TBL1X: variants seen among roughly 807,000 people sequenced by gnomAD.
The protein encoded by TBL1X is transducin beta like 1 X-linked, also known as F-box-like/WD repeat-containing protein TBL1X.
TBL1X carries 10 observed loss-of-function variants against 50.7 expected under a neutral mutation model. That is an observed-to-expected ratio of 0.20 (90% CI 0.12 to 0.33). The LOEUF (loss-of-function observed/expected upper bound fraction) is 0.33. Ranked by LOEUF, TBL1X falls within the 10% of genes least tolerant of loss-of-function variation. The probability of loss-of-function intolerance (pLI) is 1.00; values close to 1 mark genes in which losing one functional copy is unlikely to be tolerated. For missense variants in TBL1X, 340 were observed against 504.4 expected (o/e 0.67, Z 3.12); for synonymous variants, 190 against 214.7 (o/e 0.88, Z 1.01).
chrX:9,673,761 G>C (rs2082974085), intron 5 of TBL1X, among the ~76,000 whole-genome samples: 1 of 112,276 alleles, frequency 8.9e-6, no homozygotes, highest in South Asian at 3.7e-4. Context: ...TCAACCAACT[G>C]TGACTCAAAA....
In TBL1X at chrX:9,693,131, T is replaced by TAAAA. The variant is rs752409862; in HGVS notation, c.892-18_892-17insAAAA. Reference sequence around the variant, plus strand: ...CCTAAGTTGTTTTTGTGGGGTTTTGTCTCTTTCTGGCCCTCAGACCAATGG... The same window carrying TAAAA: ...CCTAAGTTGTTTTTGTGGGGTTTTGTAAAACTCTTTCTGGCCCTCAGACCAATGG... On this transcript the variant is annotated splice_polypyrimidine_tract_variant and intron_variant, in intron 9 of 17. Coordinates refer to ENST00000645353, the MANE Select transcript of TBL1X (RefSeq NM_005647.4). The TAAAA allele has an allele frequency of 4.1e-6, 5 of 1,209,523 alleles. No homozygotes were observed. Among genetic ancestry groups the TAAAA allele is most frequent in the Admixed American group, 4.4e-5 (2 of 45,709 alleles).
At position 9,683,917 on chromosome X, in the gene TBL1X, C is replaced by T. The variant is rs2083040602; in HGVS notation, c.212-126C>T. On this transcript the variant is annotated intron_variant, in intron 5 of 17. Transcript: ENST00000645353. The stretch of plus-strand genomic sequence containing the variant: ...ATCAGAAGCATCCCTGGGCATTCTG[C>T]AGCCGTGTCTGTCCCTGCAAATTAA... 3.9e-6 allele frequency: 4 copies of T among 1,035,987 alleles called. No homozygotes were observed. In the Admixed American group the frequency reaches 6.7e-5, roughly 17 times the overall value. 85.4% of individuals were successfully genotyped at this position (1,035,987 alleles called of 1,213,427 possible).
chrX:9,607,309 G>C (rs1350870022), intron 2 of TBL1X, among the ~76,000 whole-genome samples: 1 of 113,151 alleles, frequency 8.8e-6, no homozygotes, highest in African/African-American at 3.2e-5. Context: ...AGATTCCTAA[G>C]ATTTTAGAAT....
chrX:9,503,784 T>C (rs2681658), intron 2 of TBL1X, among the ~76,000 whole-genome samples: 48,182 of 111,798 alleles, frequency 0.43, 7,635 homozygotes, highest in Admixed American at 0.56. Context: ...GGACAGAATT[T>C]GGATCTCCTG....
chrX:9,470,408 C>A (rs1328440216), intron 1 of TBL1X, among the ~76,000 whole-genome samples: 3 of 112,664 alleles, frequency 2.7e-5, no homozygotes, highest in Non-Finnish European at 5.6e-5. Context: ...GCATGTGCCA[C>A]CACACCTGGC....
chrX:9,625,946 A>G (rs2082690578), intron 2 of TBL1X, among the ~76,000 whole-genome samples: 1 of 111,282 alleles, frequency 9.0e-6, no homozygotes, highest in Non-Finnish European at 1.9e-5. Flanking sequence ...GGTTGTTTTT[A>G]TTTTTTATTT....
intron 17 of TBL1X, among the ~76,000 whole-genome samples, chrX:9,715,340 A>G (rs970457728): frequency 1.8e-5 from 2 of 111,921 alleles, no homozygotes; most frequent in Admixed American, 1.9e-4. Flanking sequence ...GTTTTGGGAA[A>G]TGTGTCATTA....
chrX:9,694,625 A>G (rs1261391034), intron 11 of TBL1X, among the ~76,000 whole-genome samples: 2 of 111,106 alleles, frequency 1.8e-5, no homozygotes. Context: ...ACAAAACAAT[A>G]CAAAACAAAA....
intron 5 of TBL1X, among the ~76,000 whole-genome samples, chrX:9,665,488 G>GATATATAT (rs2082922066): frequency 1.3e-4 from 2 of 15,065 alleles, no homozygotes; most frequent in Non-Finnish European, 2.1e-4. Context: ...TGATATTCAA[G>GATATATAT]CTATATATAT....
chrX:9,612,241 C>T (rs922785430), intron 2 of TBL1X, among the ~76,000 whole-genome samples: 13 of 111,526 alleles, frequency 1.2e-4, no homozygotes, highest in South Asian at 3.8e-4. Context: ...AAAAATTTGT[C>T]GGCAGATACA....
At chrX:9,707,563 G>T (rs943332209) in intron 13 of TBL1X, among the ~76,000 whole-genome samples, 1 of 112,166 alleles carries the variant, frequency 8.9e-6, no homozygotes, top group African/African-American at 3.2e-5. Context: ...CCCAGGAACC[G>T]GGGCTTGCAT....
chrX:9,583,873 A>G (rs558697568), intron 2 of TBL1X, among the ~76,000 whole-genome samples: 1 of 112,450 alleles, frequency 8.9e-6, no homozygotes, highest in African/African-American at 3.2e-5. Context: ...CCTGTGATAC[A>G]TGAAGAACTC....
At chrX:9,700,845 C>G (rs757888793) in intron 12 of TBL1X, among the ~76,000 whole-genome samples, 12 of 112,041 alleles carry the variant, frequency 1.1e-4, no homozygotes, top group Admixed American at 6.6e-4. Flanking sequence ...ACTATTGATG[C>G]ACGACAGCCA....
At chrX:9,593,068 C>T (rs1033839705) in intron 2 of TBL1X, among the ~76,000 whole-genome samples, 5 of 111,496 alleles carry the variant, frequency 4.5e-5, no homozygotes, top group Admixed American at 1.9e-4. Flanking sequence ...TATGAAATAG[C>T]GGGTGTGATG....
At chrX:9,498,002 G>C (rs1320731821) in intron 1 of TBL1X, among the ~76,000 whole-genome samples, 3 of 107,341 alleles carry the variant, frequency 2.8e-5, no homozygotes, top group African/African-American at 1.0e-4. Context: ...AAAGTGCTGG[G>C]ATTACAAGCA....
At chrX:9,515,213 A>G (rs146345152) in intron 2 of TBL1X, among the ~76,000 whole-genome samples, 202 of 112,049 alleles carry the variant, frequency 1.8e-3, no homozygotes, top group African/African-American at 6.2e-3. Flanking sequence ...ATAAACTGAT[A>G]AAACAACTTT....
At chrX:9,586,902 A>G (rs145869303) in intron 2 of TBL1X, among the ~76,000 whole-genome samples, 1 of 112,199 alleles carries the variant, frequency 8.9e-6, no homozygotes, top group Non-Finnish European at 1.9e-5. Context: ...TCTATCTCAA[A>G]AAAATAAATA....
Position 9,475,999 on chromosome X carries a change from A to G in TBL1X, c.-201+10552A>G, listed in dbSNP as rs182842594. Reference sequence around the variant, plus strand: ...ACCAGCAGGATGCCTAATGCCGACCATGATTAATGCTCATCAGAATCTATG... The same window carrying G: ...ACCAGCAGGATGCCTAATGCCGACCGTGATTAATGCTCATCAGAATCTATG... On this transcript the variant is annotated intron_variant, in intron 1 of 17. Transcript: ENST00000645353. Among the ~76,000 whole-genome samples the G allele has an allele frequency of 9.1e-3, 1,018 of 112,316 alleles. 7 individuals carry two copies. Among genetic ancestry groups the G allele is most frequent in the Non-Finnish European group, 0.014 (730 of 53,298 alleles).
chrX:9,685,186 C>T lies in TBL1X; in HGVS notation c.357+998C>T, dbSNP rs773565724. On this transcript the variant is annotated intron_variant, in intron 6 of 17. Transcript: ENST00000645353. ...TTTGGTTTTAAACCACACACCTCAC[C>T]CTCTCTTGTCCCCTCCTATTCTGGT... Among the ~76,000 whole-genome samples the T allele has an allele frequency of 7.6e-4, 85 of 112,107 alleles. 1 individual carries two copies. Among genetic ancestry groups the T allele is most frequent in the African/African-American group, 2.7e-3 (84 of 30,901 alleles).
Sources: allele counts gnomAD v4.1 joint callset (sites outside exome capture counted in the v4.1 genomes callset), GRCh38; gene constraint gnomAD v4.1.1; transcripts MANE v1.5; gene names NCBI Gene and HGNC (gene_info 2026-07-23, HGNC 2026-07-21).